Variants in MACROD2 observed in about 807,000 individuals in gnomAD.
MACROD2 encodes ADP-ribose glycohydrolase MACROD2.
Under a neutral mutation model 70.4 loss-of-function variants are expected in MACROD2, and 36 were observed. That is an observed-to-expected ratio of 0.51 (90% CI 0.39 to 0.68). MACROD2 has a LOEUF of 0.68. MACROD2 is among the 30% of genes least tolerant of loss of function. The pLI, the probability that MACROD2 is intolerant of heterozygous loss-of-function variation, is 0.00. For missense variants in MACROD2, 496 were observed against 538.4 expected, an observed-to-expected ratio of 0.92 and a Z score of 0.78; for synonymous variants, 172 against 178.8, an observed-to-expected ratio of 0.96 and a Z score of 0.30.
chr20:15,780,942 T>C (rs1377857248), intron 8 of MACROD2, among the ~76,000 whole-genome samples: 1 of 152,146 alleles, frequency 6.6e-6, no homozygotes, highest in Non-Finnish European at 1.5e-5. Context: ...CTTGAATACA[T>C]TGAATGTATT....
intron 6 of MACROD2, among the ~76,000 whole-genome samples, chr20:15,239,448 TACAC>T (rs1264925871): frequency 1.3e-5 from 2 of 152,154 alleles, no homozygotes; most frequent in Non-Finnish European, 2.9e-5. Context: ...GTTTATTTTA[TACAC>T]ACACAAACAC....
At chr20:14,830,293 A>G (rs2072950486) in intron 5 of MACROD2, among the ~76,000 whole-genome samples, 1 of 152,102 alleles carries the variant, frequency 6.6e-6, no homozygotes, top group African/African-American at 2.4e-5. Flanking sequence ...TGTGTGCTTT[A>G]CTGCTGCAAT....
chr20:15,100,680 G>A (rs964511665), intron 5 of MACROD2, among the ~76,000 whole-genome samples: 1 of 152,138 alleles, frequency 6.6e-6, no homozygotes, highest in Non-Finnish European at 1.5e-5. Context: ...AGTTGGATAA[G>A]CATTAGAAGT....
intron 12 of MACROD2, among the ~76,000 whole-genome samples, 193 bp downstream of exon 12, chr20:15,937,737 A>G (rs2147331853): frequency 6.7e-6 from 1 of 149,352 alleles, no homozygotes; most frequent in East Asian, 1.9e-4. Flanking sequence ...ATTTATATAT[A>G]TATATATATA....
At chr20:14,190,954 G>C (rs923149578) in intron 3 of MACROD2, among the ~76,000 whole-genome samples, 1 of 151,542 alleles carries the variant, frequency 6.6e-6, no homozygotes, top group Non-Finnish European at 1.5e-5. Context: ...TGATCCGCCC[G>C]CCTCGGCCTC....
chr20:14,886,692 T>A (rs913366108), intron 5 of MACROD2, among the ~76,000 whole-genome samples: 3 of 152,178 alleles, frequency 2.0e-5, no homozygotes, highest in African/African-American at 7.2e-5. Context: ...TCAATAAGTA[T>A]GATTGCATTG....
chr20:15,461,006 A>ATATATATATATATATATAT, intron 7 of MACROD2, among the ~76,000 whole-genome samples: 3 of 67,018 alleles, frequency 4.5e-5, no homozygotes, highest in Non-Finnish European at 6.6e-5. Flanking sequence ...ATATATATAT[A>ATATATATATATATATATAT]TTTTTTTTTA....
At chr20:14,072,121 T>C (rs958402306) in intron 2 of MACROD2, among the ~76,000 whole-genome samples, 19 of 152,242 alleles carry the variant, frequency 1.2e-4, no homozygotes, top group African/African-American at 4.6e-4. Context: ...TTGTATGTTA[T>C]AAAATTTTGT....
At chr20:14,667,181 A>G (rs933920159) in intron 4 of MACROD2, among the ~76,000 whole-genome samples, 2 of 152,098 alleles carry the variant, frequency 1.3e-5, no homozygotes, top group Admixed American at 6.6e-5. Flanking sequence ...CAGCTTGTCT[A>G]TCTCTTGTGA....
intron 5 of MACROD2, among the ~76,000 whole-genome samples, chr20:14,691,130 C>T (rs964186609): frequency 2.0e-5 from 3 of 152,174 alleles, no homozygotes; most frequent in African/African-American, 7.2e-5. Flanking sequence ...GTTGGCCAGG[C>T]TGGTCTCAAA....
At chr20:15,919,954 A>G (rs1442703027) in intron 10 of MACROD2, among the ~76,000 whole-genome samples, 2 of 152,230 alleles carry the variant, frequency 1.3e-5, no homozygotes, top group South Asian at 2.1e-4. Flanking sequence ...TTTAAATTCA[A>G]CATCAGGAGG....
chr20:14,923,632 T>C (rs2074190776), intron 5 of MACROD2, among the ~76,000 whole-genome samples: 1 of 151,950 alleles, frequency 6.6e-6, no homozygotes, highest in Admixed American at 6.6e-5. Context: ...CAAAATATCA[T>C]GGTGTGAGTT....
chr20:16,026,153 CAAA>C (rs950438077), intron 15 of MACROD2, among the ~76,000 whole-genome samples: 3 of 132,754 alleles, frequency 2.3e-5, no homozygotes, highest in Non-Finnish European at 5.1e-5. Flanking sequence ...AACTCCATCT[CAAA>C]AAAACAAAAC....
intron 6 of MACROD2, among the ~76,000 whole-genome samples, chr20:15,375,566 A>G (rs750802483): frequency 5.9e-4 from 90 of 152,290 alleles, no homozygotes; most frequent in Admixed American, 1.8e-3. Context: ...TAAAATGACT[A>G]TTAAAGGCTT....
intron 5 of MACROD2, among the ~76,000 whole-genome samples, chr20:14,723,492 G>A (rs2071493463): frequency 6.6e-6 from 1 of 150,480 alleles, no homozygotes; most frequent in South Asian, 2.1e-4. Flanking sequence ...TGAAGATTTG[G>A]TATTTTTTTT....
intron 5 of MACROD2, among the ~76,000 whole-genome samples, chr20:14,762,531 C>G (rs1166486549): frequency 1.3e-5 from 2 of 152,148 alleles, no homozygotes; most frequent in African/African-American, 4.8e-5. Context: ...CATTCTCTCA[C>G]TTACTTACTG....
At chr20:16,011,611 C>A (rs2066863604) in intron 15 of MACROD2, among the ~76,000 whole-genome samples, 4 of 152,106 alleles carry the variant, frequency 2.6e-5, no homozygotes, top group Admixed American at 2.6e-4. Context: ...GAGCCATCAG[C>A]CCCAGCTCAA....
intron 4 of MACROD2, among the ~76,000 whole-genome samples, chr20:14,652,072 C>A (rs1224097508): frequency 1.3e-5 from 2 of 152,052 alleles, no homozygotes; most frequent in African/African-American, 4.8e-5. Flanking sequence ...CAAAGAGATA[C>A]CCAACTAGGG....
In MACROD2 at chr20:13,995,534, G is replaced by T. The variant is rs900291441; in HGVS notation, c.-230G>T. 5 of 626,084 alleles carry T rather than the reference G, an allele frequency of 8.0e-6. No homozygotes were observed. Among genetic ancestry groups the T allele is most frequent in the South Asian group, 1.8e-5 (1 of 55,828 alleles). 38.8% of individuals were successfully genotyped at this position (626,084 alleles called of 1,614,324 possible). The stretch of plus-strand genomic sequence containing the variant: ...CCTAGTTGACAGGCTCTGAGGTGCT[G>T]CTGTGGCGGCGTCCGCGGGGCTGAG... On this transcript the variant is annotated 5_prime_UTR_variant, in exon 1 of 18. Coordinates refer to ENST00000684519, the MANE Select transcript of MACROD2 (RefSeq NM_001351661.2). This position sits in a 1 kb window ranked among gnomAD's most constrained non-coding sequence, Gnocchi z 4.3.
Sources: allele counts gnomAD v4.1 joint callset (sites outside exome capture counted in the v4.1 genomes callset), GRCh38; gene constraint gnomAD v4.1.1; non-coding constraint Gnocchi (gnomAD v3.1); transcripts MANE v1.5; gene names NCBI Gene and HGNC (gene_info 2026-07-23, HGNC 2026-07-21).